Variants in PACS1 observed in about 807,000 individuals in gnomAD.
PACS1 encodes the protein PACS-1.
In PACS1, 24 loss-of-function variants were observed where a neutral mutation model predicts 115.0. The observed-to-expected ratio is 0.21, with a 90% CI of 0.15 to 0.29. The LOEUF is 0.29. Among genes scored for constraint, PACS1 ranks in the 10% least tolerant of loss-of-function variants. The probability of loss-of-function intolerance (pLI) is 1.00; values close to 1 mark genes in which losing one functional copy is unlikely to be tolerated. For missense variants in PACS1, 838 were observed against 1,251.2 expected, an observed-to-expected ratio of 0.67 and a Z score of 4.98; for synonymous variants, 453 against 504.5, an observed-to-expected ratio of 0.90 and a Z score of 1.37.
chr11:66,213,294 C>T (rs892887229), intron 4 of PACS1, among the ~76,000 whole-genome samples: 9 of 152,232 alleles, frequency 5.9e-5, no homozygotes, highest in African/African-American at 2.2e-4. Context: ...ACAAACTTAT[C>T]AGATTTGGCC....
At chr11:66,212,877 T>C (rs1348677947) in intron 4 of PACS1, among the ~76,000 whole-genome samples, 1 of 152,020 alleles carries the variant, frequency 6.6e-6, no homozygotes, top group African/African-American at 2.4e-5. Context: ...CGAGACAGAG[T>C]CTCACTTCAT....
At chr11:66,178,463 G>C (rs536527129) in intron 1 of PACS1, among the ~76,000 whole-genome samples, 1 of 152,180 alleles carries the variant, frequency 6.6e-6, no homozygotes, top group Non-Finnish European at 1.5e-5. Flanking sequence ...GACATTCACA[G>C]TATTAAGCAG....
intron 1 of PACS1, among the ~76,000 whole-genome samples, chr11:66,086,171 T>A: frequency 6.9e-6 from 1 of 145,466 alleles, no homozygotes; most frequent in Non-Finnish European, 1.5e-5. Flanking sequence ...GGAGTCTCGC[T>A]CTGTCGCCCA....
intron 1 of PACS1, among the ~76,000 whole-genome samples, chr11:66,088,434 G>A (rs1202126415): frequency 6.6e-6 from 1 of 152,170 alleles, no homozygotes; most frequent in Non-Finnish European, 1.5e-5. Context: ...ATTTGTATGT[G>A]ATGTGAGGTA....
At chr11:66,212,084 A>G (rs1287514130) in intron 4 of PACS1, among the ~76,000 whole-genome samples, 1 of 151,744 alleles carries the variant, frequency 6.6e-6, no homozygotes, top group East Asian at 1.9e-4. Flanking sequence ...GCAGCACCTG[A>G]TGGCAATTGG....
At chr11:66,219,525 G>C (rs1306933284) in intron 7 of PACS1, 1 of 676,712 alleles carries the variant, frequency 1.5e-6, no homozygotes, top group Admixed American at 2.0e-5. Context: ...CCTGGGGATA[G>C]ACATTCCTTC....
intron 1 of PACS1, among the ~76,000 whole-genome samples, chr11:66,150,110 CAT>C (rs1045428425): frequency 3.9e-5 from 6 of 152,166 alleles, no homozygotes; most frequent in Non-Finnish European, 8.8e-5. Flanking sequence ...CTATTCCTAT[CAT>C]ATAGTGCTTT....
At chr11:66,181,979 C>G (rs1860022801) in intron 1 of PACS1, among the ~76,000 whole-genome samples, 2 of 152,222 alleles carry the variant, frequency 1.3e-5, no homozygotes. Context: ...ATGCTAGGAA[C>G]TTTTCACATT....
At chr11:66,224,350 A>G (rs1326034897) in intron 10 of PACS1, among the ~76,000 whole-genome samples, 1 of 152,176 alleles carries the variant, frequency 6.6e-6, no homozygotes, top group Admixed American at 6.5e-5. Context: ...GATCTTGGGC[A>G]TGTTACCACG....
intron 1 of PACS1, among the ~76,000 whole-genome samples, chr11:66,160,723 G>A (rs1480703276): frequency 2.2e-5 from 3 of 137,312 alleles, no homozygotes; most frequent in South Asian, 2.2e-4. Context: ...GTCTCACTAT[G>A]TTTCCCAGGC....
intron 1 of PACS1, among the ~76,000 whole-genome samples, chr11:66,092,884 C>A (rs1016858158): frequency 1.3e-5 from 2 of 152,046 alleles, no homozygotes; most frequent in Non-Finnish European, 2.9e-5. Flanking sequence ...TGATCTATAT[C>A]TCTGTTTGGT....
At position 66,077,862 on chromosome 11, in the gene PACS1, A is replaced by G. The variant is rs569982688; in HGVS notation, c.356+7020A>G. On this transcript the variant is annotated intron_variant, in intron 1 of 23. Transcript: ENST00000320580. ...GGATTCCAGGCATGCACCACCATGC[A>G]TGGATAATTTTGTATTTTTAGTAGA... 4.0e-5 allele frequency among the ~76,000 whole-genome samples: 6 copies of G among 151,842 alleles called. No homozygotes were observed. In the East Asian group the frequency reaches 9.7e-4, roughly 25 times the overall value.
At position 66,219,743 on chromosome 11, in the gene PACS1, C is replaced by T; in HGVS notation, c.979-3C>T. The T allele has an allele frequency of 1.2e-6, 2 of 1,613,236 alleles. No individual in the cohort carries two copies. The highest frequency in any genetic ancestry group is 1.7e-6 in the Non-Finnish European group (2 of 1,179,252). ...AGAACTGTCATGCGATTTGTCCCTA[C>T]AGCAACCTAACATCAAACAGAAGTT... is the stretch of plus-strand genomic sequence containing the variant. On this transcript the variant is annotated splice_region_variant and splice_polypyrimidine_tract_variant and intron_variant, in intron 7 of 23. Transcript: ENST00000320580.
intron 1 of PACS1, among the ~76,000 whole-genome samples, chr11:66,071,799 T>A (rs539365430): frequency 1.3e-5 from 2 of 152,306 alleles, no homozygotes; most frequent in African/African-American, 2.4e-5. Context: ...GGCAGACGGA[T>A]GTGTAAGTCA....
intron 1 of PACS1, among the ~76,000 whole-genome samples, chr11:66,073,033 C>A (rs1011781602): frequency 6.6e-6 from 1 of 152,222 alleles, no homozygotes; most frequent in African/African-American, 2.4e-5. Flanking sequence ...GAGGCTTAGG[C>A]GGACTTATTT....
At chr11:66,219,209 CAGT>C (rs1335816799) in intron 7 of PACS1, among the ~76,000 whole-genome samples, 1 of 151,886 alleles carries the variant, frequency 6.6e-6, no homozygotes, top group Non-Finnish European at 1.5e-5. Flanking sequence ...TGACTGGAAA[CAGT>C]GGTGTCACAG....
rs796794599 is a variant in PACS1 at position 66,077,972 on chromosome 11, G to A, written c.356+7130G>A. 3.3e-5 allele frequency among the ~76,000 whole-genome samples: 5 copies of A among 152,120 alleles called. No individual in the cohort carries two copies. In the South Asian group the frequency reaches 1.0e-3, roughly 31 times the overall value. ...CTACCTCAGCCTCCCAAGGTGCTGG[G>A]ATTACAGTTGTAAGCAACCATGCCT... On this transcript the variant is annotated intron_variant, in intron 1 of 23. Transcript: ENST00000320580.
intron 1 of PACS1, among the ~76,000 whole-genome samples, chr11:66,106,032 CT>C (rs1858031088): frequency 6.6e-6 from 1 of 152,294 alleles, no homozygotes; most frequent in African/African-American, 2.4e-5. Flanking sequence ...TTCTGGCTAG[CT>C]TTTCCACAGT....
At chr11:66,126,750 G>T (rs1253631447) in intron 1 of PACS1, among the ~76,000 whole-genome samples, 2 of 152,130 alleles carry the variant, frequency 1.3e-5, no homozygotes, top group East Asian at 3.9e-4. Flanking sequence ...GTAAGCAGAG[G>T]CTTGTGCTTC....
Sources: gnomAD v4.1 joint callset for allele counts (sites outside exome capture counted in the v4.1 genomes callset) on GRCh38, gnomAD v4.1.1 for gene constraint, MANE v1.5 for transcripts, NCBI Gene and HGNC (gene_info 2026-07-23, HGNC 2026-07-21) for gene names.